GPATCH2: variants seen among roughly 807,000 people sequenced by gnomAD.
GPATCH2 encodes G patch domain-containing protein 2.
Under a neutral mutation model 58.0 loss-of-function variants are expected in GPATCH2, and 51 were observed. The observed-to-expected ratio is 0.88, with a 90% CI of 0.70 to 1.11. GPATCH2 has a LOEUF of 1.11. Among genes scored for constraint, GPATCH2 ranks in the 50% most tolerant of loss-of-function variants. The probability of loss-of-function intolerance (pLI) is 0.00; values close to 1 mark genes in which losing one functional copy is unlikely to be tolerated. For synonymous variants in GPATCH2, 222 were observed against 218.5 expected, an observed-to-expected ratio of 1.02 and a Z score of -0.14; for missense variants, 625 against 652.2, an observed-to-expected ratio of 0.96 and a Z score of 0.45.
intron 5 of GPATCH2, among the ~76,000 whole-genome samples, chr1:217,568,088 G>T (rs1666345952): frequency 6.6e-6 from 1 of 152,168 alleles, no homozygotes; most frequent in African/African-American, 2.4e-5. Flanking sequence ...CTGCACTCCA[G>T]CCTGGGCGAT....
At chr1:217,596,018 AC>A (rs1316658833) in intron 5 of GPATCH2, among the ~76,000 whole-genome samples, 1 of 152,148 alleles carries the variant, frequency 6.6e-6, no homozygotes, top group Non-Finnish European at 1.5e-5. Flanking sequence ...CACAGTAAGG[AC>A]CTTTTAACAT....
At chr1:217,533,592 CTT>C (rs1368180518) in intron 5 of GPATCH2, among the ~76,000 whole-genome samples, 1 of 152,212 alleles carries the variant, frequency 6.6e-6, no homozygotes, top group African/African-American at 2.4e-5. Flanking sequence ...GGAATTGTCT[CTT>C]AATCAACTTT....
intron 8 of GPATCH2, among the ~76,000 whole-genome samples, chr1:217,459,490 T>C (rs1233828025): frequency 1.3e-5 from 2 of 152,168 alleles, no homozygotes; most frequent in African/African-American, 4.8e-5. Context: ...TACTAAACTG[T>C]TTACCTCATT....
chr1:217,490,723 T>A (rs1204510250), intron 8 of GPATCH2, among the ~76,000 whole-genome samples: 1 of 152,254 alleles, frequency 6.6e-6, no homozygotes, highest in Non-Finnish European at 1.5e-5. Flanking sequence ...TATAAACATC[T>A]CATCCATAGT....
chr1:217,466,245 A>T (rs1660443157), intron 8 of GPATCH2, among the ~76,000 whole-genome samples: 1 of 151,884 alleles, frequency 6.6e-6, no homozygotes, highest in Non-Finnish European at 1.5e-5. Context: ...GTATAGAACT[A>T]AAACTGAATG....
chr1:217,508,824 A>G (rs1264301626), intron 6 of GPATCH2, among the ~76,000 whole-genome samples: 1 of 152,098 alleles, frequency 6.6e-6, no homozygotes, highest in East Asian at 1.9e-4. Context: ...GTAGCTCTCT[A>G]GTTATCTTAG....
chr1:217,447,161 A>C (rs1659430021), intron 9 of GPATCH2, among the ~76,000 whole-genome samples: 1 of 152,190 alleles, frequency 6.6e-6, no homozygotes, highest in Admixed American at 6.5e-5. Flanking sequence ...TTCATCCAAA[A>C]TGTGGCTACA....
intron 5 of GPATCH2, among the ~76,000 whole-genome samples, chr1:217,527,139 T>G (rs530422165): frequency 6.7e-6 from 1 of 148,160 alleles, no homozygotes. Context: ...ATTATTTCAT[T>G]ATGTATTACA....
At chr1:217,539,240 C>T (rs1370894300) in intron 5 of GPATCH2, among the ~76,000 whole-genome samples, 1 of 151,830 alleles carries the variant, frequency 6.6e-6, no homozygotes, top group African/African-American at 2.4e-5. Flanking sequence ...TCATACTGTT[C>T]CAAAATGTAA....
intron 5 of GPATCH2, among the ~76,000 whole-genome samples, chr1:217,562,145 G>C (rs987668815): frequency 5.9e-5 from 9 of 152,160 alleles, no homozygotes; most frequent in African/African-American, 2.2e-4. Flanking sequence ...AGTGCTTGGG[G>C]AGGAGACAAG....
At chr1:217,616,615 T>C (rs1269667312) in intron 2 of GPATCH2, among the ~76,000 whole-genome samples, 1 of 152,206 alleles carries the variant, frequency 6.6e-6, no homozygotes, top group Non-Finnish European at 1.5e-5. Flanking sequence ...GTGTACATTA[T>C]GTACGTGTTT....
chr1:217,582,887 A>C (rs1667140237), intron 5 of GPATCH2, among the ~76,000 whole-genome samples: 1 of 152,204 alleles, frequency 6.6e-6, no homozygotes, highest in Admixed American at 6.5e-5. Flanking sequence ...GAGATTGCAG[A>C]GTTTACACTA....
intron 5 of GPATCH2, among the ~76,000 whole-genome samples, chr1:217,546,380 C>T (rs1407023310): frequency 6.6e-6 from 1 of 152,096 alleles, no homozygotes; most frequent in East Asian, 1.9e-4. Context: ...GCTACCATAA[C>T]CAAAACAGCA....
intron 5 of GPATCH2, among the ~76,000 whole-genome samples, chr1:217,527,120 A>G (rs551417253): frequency 6.6e-5 from 10 of 151,906 alleles, no homozygotes; most frequent in African/African-American, 2.4e-4. Context: ...ACAATGTAAT[A>G]ATGATATAAT....
intron 5 of GPATCH2, among the ~76,000 whole-genome samples, chr1:217,527,388 G>A (rs1663962631): frequency 6.6e-6 from 1 of 152,056 alleles, no homozygotes; most frequent in Non-Finnish European, 1.5e-5. Flanking sequence ...AAGCTTCTAA[G>A]GAAAGTTCTT....
At chr1:217,614,938 AC>A (rs1393036078) in intron 2 of GPATCH2, among the ~76,000 whole-genome samples, 1 of 152,170 alleles carries the variant, frequency 6.6e-6, no homozygotes, top group African/African-American at 2.4e-5. Context: ...TGCTTATATG[AC>A]AGTCTAGTTT....
chr1:217,451,588 T>G (rs1027118008), intron 8 of GPATCH2, among the ~76,000 whole-genome samples: 6 of 152,236 alleles, frequency 3.9e-5, no homozygotes, highest in African/African-American at 1.2e-4. Flanking sequence ...TTTATATCCA[T>G]ATGAGAGTCA....
In GPATCH2 at chr1:217,495,593, A is replaced by G. The variant is rs141396875; in HGVS notation, c.1206+2763T>C. Among the ~76,000 whole-genome samples, 218 of 152,298 alleles carry G rather than the reference A, an allele frequency of 1.4e-3. 1 individual carries two copies. The highest frequency in any genetic ancestry group is 4.8e-3 in the African/African-American group (199 of 41,562). On this transcript the variant is annotated intron_variant, in intron 7 of 9. Transcript: ENST00000366935. Reference sequence around the variant, plus strand: ...GACAAAACAAAAAATGATGCTTCCTATAGTTGCCTCTCCCTCTTTCCTTCC... The same window carrying G: ...GACAAAACAAAAAATGATGCTTCCTGTAGTTGCCTCTCCCTCTTTCCTTCC...
chr1:217,554,455 T>A (rs1665522162), intron 5 of GPATCH2, among the ~76,000 whole-genome samples: 1 of 152,172 alleles, frequency 6.6e-6, no homozygotes, highest in Non-Finnish European at 1.5e-5. Context: ...TTAACTTGTA[T>A]CTATAGTACG....
Sources: allele counts gnomAD v4.1 joint callset (sites outside exome capture counted in the v4.1 genomes callset), GRCh38; gene constraint gnomAD v4.1.1; transcripts MANE v1.5; gene names NCBI Gene and HGNC (gene_info 2026-07-23, HGNC 2026-07-21).